Variants in SLC2A9 observed in about 807,000 individuals in gnomAD.
SLC2A9 encodes solute carrier family 2, facilitated glucose transporter member 9.
SLC2A9 carries 39 observed loss-of-function variants against 50.6 expected under a neutral mutation model. The observed-to-expected ratio is 0.77, with a 90% CI of 0.60 to 1.01. The LOEUF (loss-of-function observed/expected upper bound fraction) is 1.01. Ranked by LOEUF, SLC2A9 falls within the 50% of genes least tolerant of loss-of-function variation. SLC2A9 has a pLI of 0.00. For synonymous variants in SLC2A9, 324 were observed against 276.9 expected, an observed-to-expected ratio of 1.17 and a Z score of -1.69; for missense variants, 686 against 677.6, an observed-to-expected ratio of 1.01 and a Z score of -0.14.
At chr4:9,933,716 T>C (rs900807539) in intron 6 of SLC2A9, among the ~76,000 whole-genome samples, 3 of 152,134 alleles carry the variant, frequency 2.0e-5, no homozygotes, top group Non-Finnish European at 4.4e-5. Context: ...GTTCTGGAGG[T>C]CAGAATCTGA....
intron 11 of SLC2A9, among the ~76,000 whole-genome samples, chr4:9,828,067 G>T (rs867258390): frequency 1.3e-5 from 2 of 152,158 alleles, no homozygotes; most frequent in Admixed American, 1.3e-4. Flanking sequence ...GTCCAAAGTG[G>T]AGCCTCTAAA....
chr4:9,867,090 G>A (rs926844885), intron 10 of SLC2A9, among the ~76,000 whole-genome samples: 2 of 152,152 alleles, frequency 1.3e-5, no homozygotes, highest in African/African-American at 4.8e-5. Flanking sequence ...AAAAACAATG[G>A]GCAGCGTGTG....
chr4:9,870,178 C>A (rs1202115890), intron 10 of SLC2A9, among the ~76,000 whole-genome samples: 2 of 152,262 alleles, frequency 1.3e-5, no homozygotes, highest in Non-Finnish European at 2.9e-5. Flanking sequence ...CGATCTCTGC[C>A]TTCTGGCCTC....
chr4:9,977,152 G>A (rs1025123768), intron 5 of SLC2A9, among the ~76,000 whole-genome samples: 1 of 152,126 alleles, frequency 6.6e-6, no homozygotes, highest in Non-Finnish European at 1.5e-5. Context: ...CCTTCTTGAA[G>A]CACTCATCAT....
At chr4:9,952,569 A>T (rs1208740423) in intron 5 of SLC2A9, among the ~76,000 whole-genome samples, 1 of 150,324 alleles carries the variant, frequency 6.7e-6, no homozygotes, top group Admixed American at 6.6e-5. Flanking sequence ...GATCTCATTC[A>T]GTCTCCCAGG....
At chr4:9,845,521 C>G (rs930050825) in intron 10 of SLC2A9, among the ~76,000 whole-genome samples, 6 of 148,192 alleles carry the variant, frequency 4.0e-5, no homozygotes, top group African/African-American at 1.5e-4. Context: ...GCTCCGCCTC[C>G]CGGGTTCACG....
intron 3 of SLC2A9, among the ~76,000 whole-genome samples, chr4:9,786,099 TAAAAG>T (rs1020671458): frequency 2.0e-5 from 3 of 152,196 alleles, no homozygotes; most frequent in Admixed American, 2.0e-4. Context: ...TGGAGGGCTA[TAAAAG>T]AAGAGCGTCA....
chr4:9,965,646 A>G (rs1450115046), intron 5 of SLC2A9, among the ~76,000 whole-genome samples: 2 of 152,252 alleles, frequency 1.3e-5, no homozygotes, highest in African/African-American at 4.8e-5. Context: ...CCATCTACAA[A>G]ATCCCAAAAT....
chr4:10,027,076 A>G (rs1763780317), intron 1 of SLC2A9, among the ~76,000 whole-genome samples: 1 of 152,148 alleles, frequency 6.6e-6, no homozygotes. Flanking sequence ...CCCAGACACA[A>G]AAAGCGACAT....
intron 10 of SLC2A9, among the ~76,000 whole-genome samples, chr4:9,874,642 T>G (rs183082360): frequency 2.9e-4 from 44 of 152,376 alleles, no homozygotes; most frequent in African/African-American, 1.0e-3. Flanking sequence ...GCTGTGTGCA[T>G]GACTGTTTTG....
intron 2 of SLC2A9, chr4:10,006,635 A>G (rs1225650528): frequency 1.3e-5 from 2 of 152,136 alleles, no homozygotes; most frequent in Admixed American, 6.5e-5. Flanking sequence ...CCTCCTGTGT[A>G]GAAAAGAGCT....
At chr4:9,973,552 T>C (rs1166927280) in intron 5 of SLC2A9, among the ~76,000 whole-genome samples, 2 of 151,960 alleles carry the variant, frequency 1.3e-5, no homozygotes, top group African/African-American at 4.8e-5. Flanking sequence ...AGAGTTCATG[T>C]CCTTTGTAGG....
chr4:9,966,196 G>GA (rs1182892928), intron 5 of SLC2A9, among the ~76,000 whole-genome samples: 2 of 151,700 alleles, frequency 1.3e-5, no homozygotes, highest in East Asian at 1.9e-4. Context: ...CAGACTATCC[G>GA]AAAAAAAATT....
chr4:9,851,690 G>C (rs1729954661), intron 10 of SLC2A9, among the ~76,000 whole-genome samples: 1 of 151,344 alleles, frequency 6.6e-6, no homozygotes, highest in South Asian at 2.1e-4. Flanking sequence ...AAACAATACA[G>C]GAGGTGAAAG....
chr4:9,958,388 A>G (rs1560386670), intron 5 of SLC2A9, among the ~76,000 whole-genome samples: 1 of 152,216 alleles, frequency 6.6e-6, no homozygotes, highest in Non-Finnish European at 1.5e-5. Flanking sequence ...AAACTAACAA[A>G]GGAACAGAAA....
At chr4:9,816,855 T>A (rs1355361394) in intron 3 of SLC2A9, among the ~76,000 whole-genome samples, 2 of 151,982 alleles carry the variant, frequency 1.3e-5, no homozygotes, top group African/African-American at 4.8e-5. Flanking sequence ...ATACACCCTC[T>A]TAGTGGCTTA....
intron 5 of SLC2A9, among the ~76,000 whole-genome samples, chr4:9,975,778 C>T (rs150649733): frequency 8.0e-4 from 122 of 152,212 alleles, no homozygotes; most frequent in Middle Eastern, 3.4e-3. Flanking sequence ...ATTATTCTAC[C>T]AAAAAGAGTG....
intron 3 of SLC2A9, among the ~76,000 whole-genome samples, chr4:9,986,653 T>C (rs1756775238): frequency 7.0e-6 from 1 of 141,866 alleles, no homozygotes; most frequent in African/African-American, 2.5e-5. Flanking sequence ...AAAATAACAA[T>C]ACTCCTCAGA....
chr4:9,783,548 C>T, intron 3 of SLC2A9: 2 of 1,238,240 alleles, frequency 1.6e-6, no homozygotes, highest in Non-Finnish European at 1.1e-6. Flanking sequence ...CATGCCTTTC[C>T]AGTGCTGCTC....
Sources: allele counts gnomAD v4.1 joint callset (sites outside exome capture counted in the v4.1 genomes callset), GRCh38; gene constraint gnomAD v4.1.1; transcripts MANE v1.5; gene names NCBI Gene and HGNC (gene_info 2026-07-23, HGNC 2026-07-21).